Variants in TTLL8 observed in about 807,000 individuals in gnomAD.
TTLL8 encodes protein monoglycylase TTLL8.
TTLL8 carries 65 observed loss-of-function variants against 77.8 expected under a neutral mutation model. That is an observed-to-expected ratio of 0.84 (90% CI 0.68 to 1.03). The LOEUF is 1.03. TTLL8 is among the 50% of genes least tolerant of loss of function. The pLI, the probability that TTLL8 is intolerant of heterozygous loss-of-function variation, is 0.00. For synonymous variants in TTLL8, 402 were observed against 422.8 expected, an observed-to-expected ratio of 0.95 and a Z score of 0.60; for missense variants, 910 against 1,004.5, an observed-to-expected ratio of 0.91 and a Z score of 1.27.
chr22:50,057,536 GCGGGA>G (rs1270528050), upstream of TTLL8, among the ~76,000 whole-genome samples: 4 of 117,188 alleles, frequency 3.4e-5, no homozygotes, highest in African/African-American at 1.6e-4. Flanking sequence ...TCTGGGTTGA[GCGGGA>G]GGTCTGGGTT....
intron 12 of TTLL8, among the ~76,000 whole-genome samples, chr22:50,025,067 G>A (rs762658510): frequency 3.3e-5 from 5 of 152,048 alleles, no homozygotes; most frequent in African/African-American, 4.8e-5. Flanking sequence ...CACTCAAGAC[G>A]CATCATTGAC....
In TTLL8 at chr22:50,046,048, G is replaced by A. The variant is rs138056713; in HGVS notation, c.394-78C>T. ...CTCGCTCACAAGGCGAGGACGGGCC[G>A]TCCACCTCAGACTTGCCTGGCTATG... On this transcript the variant is annotated intron_variant, in intron 4 of 13. Coordinates refer to ENST00000266182, the Ensembl canonical transcript of TTLL8. The A allele has an allele frequency of 7.4e-5, 92 of 1,247,800 alleles. No homozygotes were observed. In the African/African-American group the frequency reaches 1.1e-3, roughly 15 times the overall value. 77.3% of individuals were successfully genotyped at this position (1,247,800 alleles called of 1,614,324 possible). A position where few individuals can be genotyped will look rare whatever the true frequency, so the allele number is the denominator to read the frequency against.
Position 50,030,898 on chromosome 22 carries a change from C to G in TTLL8, c.1735G>C (p.Gly579Arg), listed in dbSNP as rs374157673. 2.9e-4 allele frequency: 384 copies of G among 1,322,926 alleles called. 4 individuals carry two copies. Among genetic ancestry groups the G allele is most frequent in the Admixed American group, 7.3e-4 (35 of 47,628 alleles). The allele number at this position is 1,322,926 out of a possible 1,614,324, so 81.9% of individuals were successfully genotyped here. The change falls in exon 12 of 14, where the codon GGG becomes CGG. Residue 579 changes from glycine to arginine, a missense_variant. Coordinates refer to ENST00000266182, the Ensembl canonical transcript of TTLL8. Reference sequence around the variant, plus strand: ...ACGCCCGCCACGCAGAGGTCGGACCCGCTGAATGGGGGCGGCTCAACCACC... The same window carrying G: ...ACGCCCGCCACGCAGAGGTCGGACCGGCTGAATGGGGGCGGCTCAACCACC...
upstream of TTLL8, chr22:50,056,804 C>T (rs2061473142): frequency 7.8e-7 from 1 of 1,289,490 alleles, no homozygotes; most frequent in Non-Finnish European, 1.0e-6. This position sits in a 1 kb window ranked among gnomAD's most constrained non-coding sequence, Gnocchi z 4.1. Context: ...CTGCAGCCAG[C>T]ACTGCCTCTG....
intron 12 of TTLL8, among the ~76,000 whole-genome samples, chr22:50,025,148 T>C (rs1184064555): frequency 1.3e-5 from 2 of 152,074 alleles, no homozygotes; most frequent in Non-Finnish European, 2.9e-5. Flanking sequence ...CCTGAGAAGC[T>C]GGACACCCTG....
chr22:50,041,435 C>A lies in TTLL8; in HGVS notation c.831-158G>T. 1.1e-6 allele frequency: 1 copy of A among 872,750 alleles called. No individual in the cohort carries two copies. The highest frequency in any genetic ancestry group is 1.4e-6 in the Non-Finnish European group (1 of 727,272). 54.1% of individuals were successfully genotyped at this position (872,750 alleles called of 1,614,324 possible). ...ACATCCAGACAGACACCACAATACTCAACAAGCATCCCAGACATCCAGACA... is the reference window on the plus strand; with the variant it reads ...ACATCCAGACAGACACCACAATACTAAACAAGCATCCCAGACATCCAGACA... On this transcript the variant is annotated intron_variant, in intron 7 of 13. Transcript: ENST00000266182. This position sits in a 1 kb window ranked among gnomAD's most constrained non-coding sequence, Gnocchi z 4.3.
chr22:50,045,873 T>C, exon 5 of TTLL8: 1 of 1,355,284 alleles, frequency 7.4e-7, no homozygotes, highest in Non-Finnish European at 9.8e-7. Context: ...CTCCTGCTGC[T>C]CACTCTCGGT....
At chr22:50,036,307 C>T (rs944417248) in intron 8 of TTLL8, among the ~76,000 whole-genome samples, 16 of 152,194 alleles carry the variant, frequency 1.1e-4, no homozygotes, top group African/African-American at 1.4e-4. Flanking sequence ...TGCGGGGATC[C>T]GATGCTGCCA....
chr22:50,030,970 AG>A lies in TTLL8; in HGVS notation c.1708-46del, dbSNP rs748556821. ...TGGGGTGCTGGGCTGTGGCCGGGAT[AG>A]GGGGGGTCCCTGCAGGAGGGGTCTG... On this transcript the variant is annotated intron_variant, in intron 11 of 13. Coordinates refer to ENST00000266182, the Ensembl canonical transcript of TTLL8. The A allele has an allele frequency of 6.3e-5, 82 of 1,293,910 alleles. 1 individual carries two copies. The East Asian group carries it at 6.9e-4, about 11-fold the overall frequency. 80.2% of individuals were successfully genotyped at this position (1,293,910 alleles called of 1,614,324 possible). A position where few individuals can be genotyped will look rare whatever the true frequency, so the allele number is the denominator to read the frequency against.
intron 8 of TTLL8, among the ~76,000 whole-genome samples, chr22:50,039,598 G>T (rs1397439900): frequency 6.6e-6 from 1 of 152,218 alleles, no homozygotes; most frequent in Non-Finnish European, 1.5e-5. Context: ...CTGAGGAAAA[G>T]ATATTACCTT....
chr22:50,019,507 G>C (rs781348454), intron 12 of TTLL8, among the ~76,000 whole-genome samples: 19 of 152,170 alleles, frequency 1.2e-4, no homozygotes, highest in Non-Finnish European at 2.6e-4. Context: ...AAGACCTCAT[G>C]AATCTAGTGG....
intron 1 of TTLL8, among the ~76,000 whole-genome samples, chr22:50,053,691 C>T (rs1179960626): frequency 2.0e-5 from 3 of 152,148 alleles, no homozygotes; most frequent in East Asian, 3.8e-4. Flanking sequence ...GCACAAATAG[C>T]GCATCCATGG....
At chr22:50,027,458 C>T (rs138796250) in intron 12 of TTLL8, 6,204 of 217,586 alleles carry the variant, frequency 0.029, 117 homozygotes, top group South Asian at 0.052. Flanking sequence ...TGCTTGAACC[C>T]GGGATATGGA....
chr22:50,057,605 G>GGGGGGTC (rs2061488173), upstream of TTLL8, among the ~76,000 whole-genome samples: 1 of 83,720 alleles, frequency 1.2e-5, no homozygotes, highest in Admixed American at 1.3e-4. Flanking sequence ...GGTTTGGGTT[G>GGGGGGTC]AGCGGGAGGT....
intron 12 of TTLL8, among the ~76,000 whole-genome samples, chr22:50,022,933 A>C (rs1394949057): frequency 6.6e-6 from 1 of 152,244 alleles, no homozygotes; most frequent in Non-Finnish European, 1.5e-5. Flanking sequence ...ACATTTTAGC[A>C]ACAAACCAGA....
chr22:50,020,575 C>A (rs879815981), intron 12 of TTLL8, among the ~76,000 whole-genome samples: 6 of 104,818 alleles, frequency 5.7e-5, no homozygotes, highest in African/African-American at 1.9e-4. Flanking sequence ...CATCTGACAA[C>A]GTGCACTCCT....
intron 12 of TTLL8, among the ~76,000 whole-genome samples, chr22:50,019,229 G>C (rs918035202): frequency 1.3e-5 from 2 of 151,934 alleles, no homozygotes; most frequent in Non-Finnish European, 2.9e-5. Context: ...ACCAGAAGAA[G>C]GAAAAACCAA....
chr22:50,024,977 C>T (rs1245358236), intron 12 of TTLL8, among the ~76,000 whole-genome samples: 2 of 152,128 alleles, frequency 1.3e-5, no homozygotes, highest in Non-Finnish European at 2.9e-5. Context: ...TCCCCTGGCC[C>T]CTTGATTCTG....
chr22:50,031,219 T>C (rs911574575), intron 11 of TTLL8, among the ~76,000 whole-genome samples: 3 of 152,014 alleles, frequency 2.0e-5, no homozygotes, highest in African/African-American at 7.2e-5. Context: ...GAGAGAGGCA[T>C]TGGCCACGCT....
Sources: gnomAD v4.1 joint callset for allele counts (sites outside exome capture counted in the v4.1 genomes callset) on GRCh38, gnomAD v4.1.1 for gene constraint, Gnocchi (gnomAD v3.1) non-coding constraint, MANE v1.5 for transcripts, NCBI Gene and HGNC (gene_info 2026-07-23, HGNC 2026-07-21) for gene names.